TBCD: variants seen among roughly 807,000 people sequenced by gnomAD.
TBCD encodes tubulin-specific chaperone D.
TBCD carries 105 observed loss-of-function variants against 169.3 expected under a neutral mutation model. The ratio of observed to expected loss-of-function variants is 0.62; its 90% CI spans 0.53 to 0.73. The LOEUF (loss-of-function observed/expected upper bound fraction) is 0.73, where lower values mean the gene tolerates loss of function less well. TBCD is among the 30% of genes least tolerant of loss of function. TBCD has a pLI of 0.00. For synonymous variants in TBCD, 700 were observed against 643.9 expected, an observed-to-expected ratio of 1.09 and a Z score of -1.32; for missense variants, 1,444 against 1,600.1, an observed-to-expected ratio of 0.90 and a Z score of 1.66.
chr17:82,857,291 A>G (rs2056392562), intron 13 of TBCD, among the ~76,000 whole-genome samples: 1 of 152,184 alleles, frequency 6.6e-6, no homozygotes, highest in Non-Finnish European at 1.5e-5. Flanking sequence ...TCCTTTGACC[A>G]TTTTTAAATT....
chr17:82,900,091 T>C (rs1443848676), intron 17 of TBCD, among the ~76,000 whole-genome samples: 1 of 152,238 alleles, frequency 6.6e-6, no homozygotes, highest in Admixed American at 6.5e-5. Flanking sequence ...GAAGTGCAGC[T>C]GGCACACACT....
chr17:82,803,062 G>A (rs912693924), intron 9 of TBCD, among the ~76,000 whole-genome samples: 3 of 151,988 alleles, frequency 2.0e-5, no homozygotes, highest in Non-Finnish European at 4.4e-5. Context: ...TTATCTCCTC[G>A]GTTGGATTTT....
At chr17:82,790,282 C>T (rs142109650) in intron 7 of TBCD, among the ~76,000 whole-genome samples, 1 of 152,294 alleles carries the variant, frequency 6.6e-6, no homozygotes, top group Non-Finnish European at 1.5e-5. Flanking sequence ...TCATAGAGTG[C>T]CAGACTCTGT....
At chr17:82,807,480 A>G in intron 10 of TBCD, 128 bp from the exon 11 acceptor site, 1 of 515,226 alleles carries the variant, frequency 1.9e-6, no homozygotes, top group Non-Finnish European at 3.0e-6. Context: ...CTGTCATTAA[A>G]ATTAATATTG....
At position 82,937,283 on chromosome 17, in the gene TBCD, T is replaced by G; in HGVS notation, c.3204T>G (p.Ala1068=). The change falls in exon 35 of 39, where the codon GCT becomes GCG. Residue 1068 remains alanine (A), a synonymous_variant. Transcript: ENST00000355528. Reference sequence around the variant, plus strand: ...GTTGTTCTTCCAGCCACCCCTTTGCTGTGAAGTTGCTTGCGCTCTGTAAGA... The same window carrying G: ...GTTGTTCTTCCAGCCACCCCTTTGCGGTGAAGTTGCTTGCGCTCTGTAAGA... ...IFTTEEDHPF[A]VKLLALCKKE... 6.2e-7 allele frequency: 1 copy of G among 1,614,042 alleles called. No homozygotes were observed. Among genetic ancestry groups the G allele is most frequent in the Non-Finnish European group, 8.5e-7 (1 of 1,179,878 alleles).
chr17:82,788,388 T>G (rs1162492585), intron 7 of TBCD, among the ~76,000 whole-genome samples: 1 of 152,088 alleles, frequency 6.6e-6, no homozygotes, highest in Non-Finnish European at 1.5e-5. Context: ...TCACAATGGC[T>G]GGGAGGCGGC....
chr17:82,772,439 C>T lies in TBCD; in HGVS notation c.583-13C>T. 6.2e-7 allele frequency: 1 copy of T among 1,613,916 alleles called. No homozygotes were observed. Among genetic ancestry groups the T allele is most frequent in the Non-Finnish European group, 8.5e-7 (1 of 1,179,876 alleles). Reference sequence around the variant, plus strand: ...CAGGAGTGACCGTGTCTGTGCTTCACCCTTTCTTGCAGTCCTACTTGATTG... The same window carrying T: ...CAGGAGTGACCGTGTCTGTGCTTCATCCTTTCTTGCAGTCCTACTTGATTG... On this transcript the variant is annotated splice_polypyrimidine_tract_variant and intron_variant, in intron 5 of 38. Coordinates refer to ENST00000355528, the MANE Select transcript of TBCD (RefSeq NM_005993.5).
At chr17:82,758,825 A>G (rs2047596197) in intron 2 of TBCD, among the ~76,000 whole-genome samples, 1 of 151,320 alleles carries the variant, frequency 6.6e-6, no homozygotes, top group South Asian at 2.1e-4. Flanking sequence ...ACGCCTGGCT[A>G]ATTTTTTGCA....
chr17:82,929,331 G>A, intron 31 of TBCD, 31 bp from the exon 32 acceptor site: 8 of 1,609,720 alleles, frequency 5.0e-6, no homozygotes, highest in Non-Finnish European at 6.8e-6. Flanking sequence ...ATCATTGGCA[G>A]CCCGGCCTTG....
At chr17:82,811,553 T>C (rs1370842012) in intron 12 of TBCD, among the ~76,000 whole-genome samples, 1 of 152,224 alleles carries the variant, frequency 6.6e-6, no homozygotes, top group African/African-American at 2.4e-5. Flanking sequence ...TGCAGGGCCA[T>C]CATCCCGAGT....
Position 82,758,400 on chromosome 17 carries a change from A to AAAAAAAAAAAAAAAAAAAAT in TBCD, c.235+2188_235+2189insAAAAAAAAAAAAAAAATAAA, listed in dbSNP as rs1035939621. ...AACGTCTCGGAAAAAAAAAAAAAAAAAAATAAATAAATAAATAAATTTTTT... is the reference window on the plus strand; with the variant it reads ...AACGTCTCGGAAAAAAAAAAAAAAAAAAAAAAAAAAAAAAAAAAATAAATAAATAAATAAATAAATTTTTT... On this transcript the variant is annotated intron_variant, in intron 2 of 38. Coordinates refer to ENST00000355528, the MANE Select transcript of TBCD (RefSeq NM_005993.5). Among the ~76,000 whole-genome samples the AAAAAAAAAAAAAAAAAAAAT allele has an allele frequency of 5.3e-4, 53 of 100,040 alleles. 1 individual carries two copies. Among genetic ancestry groups the AAAAAAAAAAAAAAAAAAAAT allele is most frequent in the South Asian group, 7.6e-4 (2 of 2,636 alleles). 65.6% of individuals were successfully genotyped at this position (100,040 alleles called of 152,430 possible). A position where few individuals can be genotyped will look rare whatever the true frequency, so the allele number is the denominator to read the frequency against.
chr17:82,875,323 C>T (rs906724509), intron 14 of TBCD, among the ~76,000 whole-genome samples: 2 of 152,162 alleles, frequency 1.3e-5, no homozygotes, highest in South Asian at 2.1e-4. Flanking sequence ...AATTTAGGGG[C>T]AGTGACAGTG....
At chr17:82,924,381 C>T (rs574891871) in intron 26 of TBCD, among the ~76,000 whole-genome samples, 14 of 152,322 alleles carry the variant, frequency 9.2e-5, no homozygotes, top group Non-Finnish European at 1.8e-4. Context: ...GTGTCCCGTG[C>T]GTAGCTGCTG....
At position 82,920,972 on chromosome 17, in the gene TBCD, A is replaced by C; in HGVS notation, c.2101+354A>C. ...CAGGAGCGTGCCGGCCGCCGACACC[A>C]CGGACCCTGTGGGCAGAGGCGGCTC... On this transcript the variant is annotated intron_variant, in intron 24 of 38. Coordinates refer to ENST00000355528, the MANE Select transcript of TBCD (RefSeq NM_005993.5). This position sits in a 1 kb window ranked among gnomAD's most constrained non-coding sequence, Gnocchi z 4.1. 1 of 306,322 alleles carries C rather than the reference A, an allele frequency of 3.3e-6. No homozygotes were observed. Among genetic ancestry groups the C allele is most frequent in the Admixed American group, 4.9e-5 (1 of 20,460 alleles). 19.0% of individuals were successfully genotyped at this position (306,322 alleles called of 1,614,324 possible).
At chr17:82,834,096 C>T (rs1435361925) in intron 13 of TBCD, among the ~76,000 whole-genome samples, 1 of 152,182 alleles carries the variant, frequency 6.6e-6, no homozygotes, top group African/African-American at 2.4e-5. Flanking sequence ...AGGCGCCCAC[C>T]ACCATGCCCA....
chr17:82,938,142 T>A lies in TBCD; in HGVS notation c.3369+6T>A. Reference sequence around the variant, plus strand: ...TCTGCCACCGTTTCCCGCTGGTGAGTGCCTGCCCCTGCTCACGTGTGTTTG... The same window carrying A: ...TCTGCCACCGTTTCCCGCTGGTGAGAGCCTGCCCCTGCTCACGTGTGTTTG... On this transcript the variant is annotated splice_donor_region_variant and intron_variant, in intron 36 of 38. Transcript: ENST00000355528. 1 of 1,610,762 alleles carries A rather than the reference T, an allele frequency of 6.2e-7. No individual in the cohort carries two copies. Among genetic ancestry groups the A allele is most frequent in the Non-Finnish European group, 8.5e-7 (1 of 1,179,446 alleles).
intron 13 of TBCD, among the ~76,000 whole-genome samples, chr17:82,823,211 T>C (rs1168008307): frequency 6.6e-6 from 1 of 152,208 alleles, no homozygotes; most frequent in Admixed American, 6.5e-5. Context: ...GGGGCCCTGC[T>C]GTCTGTCCAG....
intron 9 of TBCD, among the ~76,000 whole-genome samples, chr17:82,805,065 C>T (rs1018527661): frequency 1.3e-5 from 2 of 152,240 alleles, no homozygotes; most frequent in Admixed American, 1.3e-4. Flanking sequence ...GAAGCAGGGC[C>T]CACAGCCAGG....
intron 5 of TBCD, among the ~76,000 whole-genome samples, chr17:82,768,797 G>C (rs1429988944): frequency 1.3e-5 from 2 of 152,140 alleles, no homozygotes; most frequent in African/African-American, 4.8e-5. Context: ...ACTCTGTTGA[G>C]GGTAATCATG....
Sources: gnomAD v4.1 joint callset for allele counts (sites outside exome capture counted in the v4.1 genomes callset) on GRCh38, gnomAD v4.1.1 for gene constraint, Gnocchi (gnomAD v3.1) non-coding constraint, MANE v1.5 for transcripts, NCBI Gene and HGNC (gene_info 2026-07-23, HGNC 2026-07-21) for gene names.